Variants in TMEM132D observed in about 807,000 individuals in gnomAD.
The protein encoded by TMEM132D is mature OL transmembrane protein.
TMEM132D carries 21 observed loss-of-function variants against 62.3 expected under a neutral mutation model. The ratio of observed to expected loss-of-function variants is 0.34; its 90% CI spans 0.24 to 0.49. The LOEUF (loss-of-function observed/expected upper bound fraction) is 0.49, where lower values mean the gene tolerates loss of function less well. TMEM132D is among the 20% of genes least tolerant of loss of function. The pLI is 0.99. For missense variants in TMEM132D, 1,346 were observed against 1,402.8 expected (o/e 0.96, Z 0.65); for synonymous variants, 621 against 575.6 (o/e 1.08, Z -1.13).
At chr12:129,565,471 T>C (rs746431365) in intron 2 of TMEM132D, among the ~76,000 whole-genome samples, 3 of 152,260 alleles carry the variant, frequency 2.0e-5, no homozygotes, top group Admixed American at 1.3e-4. Context: ...TCATCAGGTG[T>C]GCCTGAATTC....
At chr12:129,235,174 C>G (rs1194118429) in intron 4 of TMEM132D, among the ~76,000 whole-genome samples, 1 of 152,160 alleles carries the variant, frequency 6.6e-6, no homozygotes, top group Non-Finnish European at 1.5e-5. Flanking sequence ...GTATAGTTTA[C>G]CTATAATAAA....
intron 1 of TMEM132D, among the ~76,000 whole-genome samples, chr12:129,886,761 C>T (rs781439063): frequency 3.9e-5 from 6 of 152,172 alleles, no homozygotes; most frequent in South Asian, 2.1e-4. Context: ...ATAACCTCCA[C>T]GTGTCGTGGA....
At chr12:129,228,234 G>A (rs1252888570) in intron 4 of TMEM132D, among the ~76,000 whole-genome samples, 1 of 152,164 alleles carries the variant, frequency 6.6e-6, no homozygotes, top group Non-Finnish European at 1.5e-5. Context: ...CCGGTGGGGA[G>A]TGGTGCGGAA....
chr12:129,103,742 C>T (rs987186962), intron 5 of TMEM132D, among the ~76,000 whole-genome samples: 1 of 152,128 alleles, frequency 6.6e-6, no homozygotes, highest in African/African-American at 2.4e-5. Context: ...TCCTATACAC[C>T]AACAACAGAC....
At chr12:129,897,913 A>C (rs2137399977) in intron 1 of TMEM132D, among the ~76,000 whole-genome samples, 1 of 152,320 alleles carries the variant, frequency 6.6e-6, no homozygotes, top group Admixed American at 6.5e-5. Context: ...ATTCCATATA[A>C]TTATCAGAAG....
intron 5 of TMEM132D, among the ~76,000 whole-genome samples, chr12:129,137,862 T>C (rs1876630930): frequency 6.6e-6 from 1 of 151,770 alleles, no homozygotes; most frequent in Non-Finnish European, 1.5e-5. Context: ...ACAATAGCCC[T>C]GGACTCCTTG....
At chr12:129,810,233 G>A (rs1872127783) in intron 1 of TMEM132D, among the ~76,000 whole-genome samples, 1 of 151,952 alleles carries the variant, frequency 6.6e-6, no homozygotes, top group Non-Finnish European at 1.5e-5. Flanking sequence ...AAAAATAAAT[G>A]AGCAACGTAT....
chr12:129,649,714 G>T (rs1879871224), intron 2 of TMEM132D, among the ~76,000 whole-genome samples: 1 of 151,768 alleles, frequency 6.6e-6, no homozygotes, highest in African/African-American at 2.4e-5. Flanking sequence ...ATATATACAT[G>T]CATAATCCAT....
At chr12:129,133,657 G>A (rs1477948573) in intron 5 of TMEM132D, among the ~76,000 whole-genome samples, 1 of 152,210 alleles carries the variant, frequency 6.6e-6, no homozygotes, top group Non-Finnish European at 1.5e-5. Context: ...TGTCTTTCTT[G>A]CGTTTATCCC....
chr12:129,085,040 C>T (rs1874573445), intron 5 of TMEM132D: 1 of 433,378 alleles, frequency 2.3e-6, no homozygotes, highest in African/African-American at 2.0e-5. Context: ...AGCTGTGTCC[C>T]TCAGAGTTAC....
chr12:129,490,413 ATTTCC>A (rs71708438), intron 3 of TMEM132D, among the ~76,000 whole-genome samples: 6,447 of 120,370 alleles, frequency 0.054, 870 homozygotes, highest in African/African-American at 0.16. Flanking sequence ...GAACATCATA[ATTTCC>A]TTTCCTTTTT....
In TMEM132D at chr12:129,779,078, G is replaced by A. The variant is rs78548833; in HGVS notation, c.80-78380C>T. On this transcript the variant is annotated intron_variant, in intron 1 of 8. Coordinates refer to ENST00000422113, the MANE Select transcript of TMEM132D (RefSeq NM_133448.3). This position sits in a 1 kb window ranked among gnomAD's most constrained non-coding sequence, Gnocchi z 4.1. ...AGCCTGACCCCTTGCCTCTTTTTCC[G>A]TCAATGTCCTTACCATTCTCATACA... Among the ~76,000 whole-genome samples, 69 of 152,194 alleles carry A rather than the reference G, an allele frequency of 4.5e-4. No homozygotes were observed. The highest frequency in any genetic ancestry group is 1.3e-3 in the African/African-American group (53 of 41,524).
At chr12:129,835,229 G>C (rs1872967227) in intron 1 of TMEM132D, among the ~76,000 whole-genome samples, 2 of 152,274 alleles carry the variant, frequency 1.3e-5, no homozygotes, top group African/African-American at 4.8e-5. Context: ...ATGACAGTCT[G>C]TCCTCAAACT....
At position 129,420,236 on chromosome 12, in the gene TMEM132D, C is replaced by T. The variant is rs530501820; in HGVS notation, c.1116-82419G>A. Among the ~76,000 whole-genome samples, 14 of 151,150 alleles carry T rather than the reference C, an allele frequency of 9.3e-5. No individual in the cohort carries two copies. The South Asian group carries it at 2.1e-3, about 23-fold the overall frequency. On this transcript the variant is annotated intron_variant, in intron 3 of 8. Transcript: ENST00000422113. ...GAAAACACACAGCCAAGACACTGTA[C>T]CGTGTTTCATATTCTCTAAGTATCC...
rs181491528 is a variant in TMEM132D, at chr12:129,465,044, C to T, written c.1115+66015G>A. ...TAGCTTGATGGGGATGGCATTGAAT[C>T]TATTAATTACCTTGGGCAGTATGGG... On this transcript the variant is annotated intron_variant, in intron 3 of 8. Transcript: ENST00000422113. 3.9e-3 allele frequency among the ~76,000 whole-genome samples: 597 copies of T among 151,886 alleles called. 3 individuals are homozygous for T. Among genetic ancestry groups the T allele is most frequent in the African/African-American group, 0.013 (558 of 41,392 alleles).
chr12:129,619,975 G>A (rs155721), intron 2 of TMEM132D, among the ~76,000 whole-genome samples: 1,986 of 152,188 alleles, frequency 0.013, 49 homozygotes, highest in African/African-American at 0.045. Context: ...CCCTAACCAC[G>A]GCCCAAAGCC....
intron 4 of TMEM132D, among the ~76,000 whole-genome samples, chr12:129,236,982 A>T (rs1317095803): frequency 6.6e-6 from 1 of 152,168 alleles, no homozygotes; most frequent in African/African-American, 2.4e-5. Flanking sequence ...TTCTGAGATG[A>T]TCATGTGATT....
At chr12:129,488,484 G>A (rs1874657001) in intron 3 of TMEM132D, among the ~76,000 whole-genome samples, 1 of 152,028 alleles carries the variant, frequency 6.6e-6, no homozygotes. Context: ...ACCAGCCTGG[G>A]CAACATGACA....
At chr12:129,651,113 G>A (rs1257551548) in intron 2 of TMEM132D, among the ~76,000 whole-genome samples, 1 of 152,124 alleles carries the variant, frequency 6.6e-6, no homozygotes, top group Non-Finnish European at 1.5e-5. Context: ...TTCTGGATCT[G>A]CCAATAAGTT....
Sources: allele counts gnomAD v4.1 joint callset (sites outside exome capture counted in the v4.1 genomes callset), GRCh38; gene constraint gnomAD v4.1.1; non-coding constraint Gnocchi (gnomAD v3.1); transcripts MANE v1.5; gene names NCBI Gene and HGNC (gene_info 2026-07-23, HGNC 2026-07-21).